CHDH: variants seen among roughly 807,000 people sequenced by gnomAD.
CHDH encodes choline dehydrogenase, mitochondrial.
In CHDH, 43 loss-of-function variants were observed where a neutral mutation model predicts 56.9. The ratio of observed to expected loss-of-function variants is 0.76; its 90% CI spans 0.59 to 0.97. CHDH has a LOEUF of 0.97. CHDH is among the 50% of genes least tolerant of loss of function. The probability of loss-of-function intolerance (pLI) is 0.00; values close to 1 mark genes in which losing one functional copy is unlikely to be tolerated. For synonymous variants in CHDH, 364 were observed against 348.5 expected, an observed-to-expected ratio of 1.04 and a Z score of -0.50; for missense variants, 816 against 821.1, an observed-to-expected ratio of 0.99 and a Z score of 0.08.
Position 53,822,608 on chromosome 3 carries a change from G to C in CHDH, c.738C>G (p.His246Gln). The change falls in exon 4 of 9, where the codon CAC (histidine) becomes CAG (glutamine). Residue 246 changes from histidine (H) to glutamine (Q), a missense_variant. Transcript: ENST00000315251. ...KRWSAACAYL[H>Q]PALSRTNLKA... ...TGAGGTTGGTGCGGCTCAGTGCTGG[G>C]TGCAGGTAGGCACAGGCCGCGCTCC... The C allele has an allele frequency of 6.2e-7, 1 of 1,611,938 alleles. No homozygotes were observed.
intron 2 of CHDH, among the ~76,000 whole-genome samples, chr3:53,824,317 G>A (rs933661155): frequency 6.6e-6 from 1 of 152,250 alleles, no homozygotes; most frequent in Non-Finnish European, 1.5e-5. Context: ...GCTTCCCTGT[G>A]CCCTGTGTAT....
rs1374375744 is a variant in CHDH at position 53,819,416 on chromosome 3, C to T, written c.1263+116G>A. On this transcript the variant is annotated intron_variant, in intron 7 of 8. Coordinates refer to ENST00000315251, the MANE Select transcript of CHDH (RefSeq NM_018397.5). The surrounding 1 kb of genome is among the most constrained non-coding windows in gnomAD (Gnocchi z 5.4). ...GAAGGCAGGGGACAGGCCTCTGTGT[C>T]CCCCACTCTGCAGCCATATGGCACC... The T allele has an allele frequency of 2.2e-6, 3 of 1,373,202 alleles. No individual in the cohort carries two copies. In the African/African-American group the frequency reaches 4.4e-5, roughly 20 times the overall value. The allele number at this position is 1,373,202 out of a possible 1,614,324, so 85.1% of individuals were successfully genotyped here.
chr3:53,830,120 C>T (rs983170313), intron 2 of CHDH, among the ~76,000 whole-genome samples: 1 of 151,596 alleles, frequency 6.6e-6, no homozygotes, highest in Admixed American at 6.6e-5. Flanking sequence ...TAGGAAGACC[C>T]AATATTTTTA....
At chr3:53,824,968 G>A (rs1263687661) in intron 2 of CHDH, among the ~76,000 whole-genome samples, 1 of 152,210 alleles carries the variant, frequency 6.6e-6, no homozygotes, top group Admixed American at 6.5e-5. Flanking sequence ...TACCACTGGA[G>A]TGCAGAGGCT....
Position 53,819,052 on chromosome 3 carries a change from C to T in CHDH, c.1264-12G>A. ...GGCCCCACATGTACCTAGAAGAACA[C>T]AGAGGAAGCAGTGACGGTCCCTCCA... On this transcript the variant is annotated splice_polypyrimidine_tract_variant and intron_variant, in intron 7 of 8. Coordinates refer to ENST00000315251, the MANE Select transcript of CHDH (RefSeq NM_018397.5). The surrounding 1 kb of genome is among the most constrained non-coding windows in gnomAD (Gnocchi z 5.4). 1 of 1,574,896 alleles carries T rather than the reference C, an allele frequency of 6.3e-7. No individual in the cohort carries two copies. The highest frequency in any genetic ancestry group is 8.7e-7 in the Non-Finnish European group (1 of 1,145,802).
At chr3:53,839,415 G>A (rs563685967) in intron 2 of CHDH, among the ~76,000 whole-genome samples, 1 of 152,344 alleles carries the variant, frequency 6.6e-6, no homozygotes, top group East Asian at 1.9e-4. Context: ...TGAGAGAGAG[G>A]AAGGGAAGCC....
chr3:53,834,577 A>G (rs1019414551), intron 2 of CHDH, among the ~76,000 whole-genome samples: 1 of 152,170 alleles, frequency 6.6e-6, no homozygotes, highest in African/African-American at 2.4e-5. Flanking sequence ...TGCACAAGAC[A>G]TTTTATAACT....
intron 2 of CHDH, among the ~76,000 whole-genome samples, chr3:53,833,959 G>A (rs1396453971): frequency 1.3e-5 from 2 of 152,168 alleles, no homozygotes; most frequent in Non-Finnish European, 2.9e-5. Flanking sequence ...GCACCACTGT[G>A]TGGGAGGCAA....
At position 53,823,345 on chromosome 3, in the gene CHDH, G is replaced by C; in HGVS notation, c.664C>G (p.Gln222Glu). 6.3e-7 allele frequency: 1 copy of C among 1,597,206 alleles called. No individual in the cohort carries two copies. Among genetic ancestry groups the C allele is most frequent in the Non-Finnish European group, 8.5e-7 (1 of 1,171,310 alleles). Residue 222 changes from glutamine to glutamate, a missense_variant, in exon 3 of 9, where the codon CAG becomes GAG. Transcript: ENST00000315251. ...ATGTCCATCCAGCCGAAGCCCTCCTGCTGGAAGCCATTCATGTCCTCGGTG... is the reference window on the plus strand; with the variant it reads ...ATGTCCATCCAGCCGAAGCCCTCCTCCTGGAAGCCATTCATGTCCTCGGTG... ...PLTEDMNGFQ[Q>E]EGFGWMDMTI... is the part of the protein sequence containing the mutation.
At chr3:53,836,708 G>T (rs1698507676) in intron 2 of CHDH, among the ~76,000 whole-genome samples, 1 of 152,246 alleles carries the variant, frequency 6.6e-6, no homozygotes, top group Non-Finnish European at 1.5e-5. Context: ...ACATGCAGGG[G>T]ATGAGGCTGC....
intron 5 of CHDH, 59 bp downstream of exon 5, chr3:53,821,588 C>A: frequency 6.7e-7 from 1 of 1,498,482 alleles, no homozygotes; most frequent in Admixed American, 1.7e-5. Context: ...AAGATACATA[C>A]ACTAAGCCTT....
In CHDH at chr3:53,823,383, G is replaced by A. The variant is rs748250862; in HGVS notation, c.626C>T (p.Ala209Val). 1.2e-6 allele frequency: 2 copies of A among 1,605,606 alleles called. No individual in the cohort carries two copies. The highest frequency in any genetic ancestry group is 2.3e-5 in the East Asian group (1 of 44,436). Reference protein sequence around the residue: ...HCAFLEATQQAGYPLTEDMNG... With the variant: ...HCAFLEATQQVGYPLTEDMNG... ...CATGTCCTCGGTGAGCGGGTAGCCG[G>A]CCTGCTGCGTGGCCTCCAGGAATGC... Residue 209 changes from alanine (A) to valine (V), a missense_variant, in exon 3 of 9, where the codon GCC becomes GTC. Coordinates refer to ENST00000315251, the MANE Select transcript of CHDH (RefSeq NM_018397.5).
Position 53,822,562 on chromosome 3 carries a change from C to G in CHDH, c.784G>C (p.Val262Leu), listed in dbSNP as rs2095629301. Reference sequence around the variant, plus strand: ...GTGCCCTCAAATAGCACCCTGCTCACAAGCGTCTCGGCCTCGGCCTTGAGG... The same window carrying G: ...GTGCCCTCAAATAGCACCCTGCTCAGAAGCGTCTCGGCCTCGGCCTTGAGG... ...TNLKAEAETL[V>L]SRVLFEGTRA... The change falls in exon 4 of 9, where the codon GTG becomes CTG. Residue 262 changes from valine to leucine, a missense_variant. Physicochemically the swap from Val to Leu is conservative, Grantham distance 32. Coordinates refer to ENST00000315251, the MANE Select transcript of CHDH (RefSeq NM_018397.5). The G allele has an allele frequency of 6.2e-6, 10 of 1,613,530 alleles. No homozygotes were observed. The highest frequency in any genetic ancestry group is 7.6e-6 in the Non-Finnish European group (9 of 1,180,024).
intron 8 of CHDH, among the ~76,000 whole-genome samples, 192 bp downstream of exon 8, chr3:53,818,746 T>A (rs1189295659): frequency 1.3e-5 from 2 of 152,170 alleles, no homozygotes; most frequent in African/African-American, 4.8e-5. Flanking sequence ...GGGACTTCAT[T>A]TATCTCATGT....
At chr3:53,833,728 C>T (rs1193547461) in intron 2 of CHDH, among the ~76,000 whole-genome samples, 1 of 152,180 alleles carries the variant, frequency 6.6e-6, no homozygotes, top group Admixed American at 6.5e-5. Context: ...TTTCCTGAAA[C>T]CAACCATGTC....
In CHDH at chr3:53,819,339, A is replaced by C. The variant is rs542031397; in HGVS notation, c.1263+193T>G. ...TGGTGCTCGGTACCTAGCCTGCATGAAACAGTCATACCATTGGCATGCACC... is the reference window on the plus strand; with the variant it reads ...TGGTGCTCGGTACCTAGCCTGCATGCAACAGTCATACCATTGGCATGCACC... On this transcript the variant is annotated intron_variant, in intron 7 of 8. Transcript: ENST00000315251. This position sits in a 1 kb window ranked among gnomAD's most constrained non-coding sequence, Gnocchi z 5.4. 6.6e-6 allele frequency among the ~76,000 whole-genome samples: 1 copy of C among 152,340 alleles called. No homozygotes were observed. Among genetic ancestry groups the C allele is most frequent in the African/African-American group, 2.4e-5 (1 of 41,566 alleles).
In CHDH at chr3:53,812,644, G is replaced by C. The variant is rs1195784151; in HGVS notation, c.*5133C>G. 6.6e-6 allele frequency: 1 copy of C among 152,070 alleles called. No homozygotes were observed. Among genetic ancestry groups the C allele is most frequent in the Non-Finnish European group, 1.5e-5 (1 of 68,016 alleles). The allele number at this position is 152,070 out of a possible 1,614,324, so 9.4% of individuals were successfully genotyped here. ...GTCCAGCTGGCTGCTCTGCCCCTTG[G>C]GTATCCATAGTTACGGTTTTCTCTG... On this transcript the variant is annotated 3_prime_UTR_variant, in exon 9 of 9. Transcript: ENST00000315251.
In CHDH at chr3:53,824,036, C is replaced by A. The variant is rs1559753659; in HGVS notation, c.-28G>T. ...TTCTATCTAGTCCAAGTCCTCTGAT[C>A]CACGGAGGGGAATGAGATGACTCAC... On this transcript the variant is annotated 5_prime_UTR_variant, in exon 3 of 9. Coordinates refer to ENST00000315251, the MANE Select transcript of CHDH (RefSeq NM_018397.5). 2.8e-6 allele frequency: 4 copies of A among 1,417,890 alleles called. No individual in the cohort carries two copies. Among genetic ancestry groups the A allele is most frequent in the Non-Finnish European group, 3.7e-6 (4 of 1,090,674 alleles). The allele number at this position is 1,417,890 out of a possible 1,614,324, so 87.8% of individuals were successfully genotyped here.
chr3:53,843,493 G>C (rs191380308), intron 1 of CHDH, among the ~76,000 whole-genome samples: 5 of 152,162 alleles, frequency 3.3e-5, no homozygotes, highest in Admixed American at 6.5e-5. Flanking sequence ...TCTGGGTCAG[G>C]GCCATAGGTA....
Sources: allele counts gnomAD v4.1 joint callset (sites outside exome capture counted in the v4.1 genomes callset), GRCh38; gene constraint gnomAD v4.1.1; non-coding constraint Gnocchi (gnomAD v3.1); transcripts MANE v1.5; gene names NCBI Gene and HGNC (gene_info 2026-07-23, HGNC 2026-07-21).